The following SKIC3 variants were observed in gnomAD, a reference collection of about 807,000 sequenced individuals.
The protein encoded by SKIC3 is superkiller complex protein 3.
chr5:95,554,957 T>C, the SKIC3 span: 3 of 251,272 alleles, frequency 1.2e-5, no homozygotes, highest in African/African-American at 4.6e-5. Context: ...GCTCCTCTTC[T>C]ACAAACGCCG....
the SKIC3 span, chr5:95,464,357 G>A: frequency 5.3e-3 from 2,309 of 433,788 alleles, 48 homozygotes; most frequent in African/African-American, 0.041. Flanking sequence ...ATAATGTTAA[G>A]CAACCAAGGC....
chr5:95,553,471 C>T, the SKIC3 span, among the ~76,000 whole-genome samples: 1 of 152,098 alleles, frequency 6.6e-6, no homozygotes, highest in African/African-American at 2.4e-5. Flanking sequence ...TATTACCTTC[C>T]GTGCTGTATT....
chr5:95,522,856 A>G, the SKIC3 span, among the ~76,000 whole-genome samples: 2 of 152,138 alleles, frequency 1.3e-5, no homozygotes, highest in African/African-American at 4.8e-5. Context: ...GCTGCTCCCA[A>G]TGCCCTTTAA....
At chr5:95,514,853 A>G in the SKIC3 span, 1 of 1,611,718 alleles carries the variant, frequency 6.2e-7, no homozygotes, top group Non-Finnish European at 8.5e-7. Flanking sequence ...TATATTTCTT[A>G]CTTGTCCAAT....
At chr5:95,470,009 C>T in the SKIC3 span, 22 of 1,398,800 alleles carry the variant, frequency 1.6e-5, no homozygotes, top group Non-Finnish European at 2.0e-5. Flanking sequence ...CGGAGTCTCG[C>T]TCTGTCACCC....
the SKIC3 span, chr5:95,517,186 G>A: frequency 6.2e-7 from 1 of 1,613,212 alleles, no homozygotes; most frequent in Non-Finnish European, 8.5e-7. Context: ...TTTAATACTT[G>A]TTTTCCTTCT....
At chr5:95,526,211 T>C in the SKIC3 span, among the ~76,000 whole-genome samples, 1 of 152,144 alleles carries the variant, frequency 6.6e-6, no homozygotes, top group African/African-American at 2.4e-5. Flanking sequence ...TTAATGATAA[T>C]GCCTTGTCTC....
the SKIC3 span, among the ~76,000 whole-genome samples, chr5:95,546,757 C>T: frequency 3.3e-5 from 5 of 152,266 alleles, no homozygotes; most frequent in African/African-American, 9.6e-5. Flanking sequence ...CACTAACATG[C>T]CATTAAACAA....
chr5:95,499,243 G>C, the SKIC3 span, among the ~76,000 whole-genome samples: 2 of 152,170 alleles, frequency 1.3e-5, no homozygotes, highest in Admixed American at 6.5e-5. Flanking sequence ...ATTGGATCAT[G>C]AGGCAGAGTT....
At chr5:95,489,520 T>TAAAAAAAAAAAAAAAAAAAA in the SKIC3 span, among the ~76,000 whole-genome samples, 1 of 116,652 alleles carries the variant, frequency 8.6e-6, no homozygotes, top group African/African-American at 2.9e-5. Context: ...GGCAACCAGT[T>TAAAAAAAAAAAAAAAAAAAA]AAAAAAAAAA....
At chr5:95,475,142 C>T in the SKIC3 span, among the ~76,000 whole-genome samples, 4 of 152,130 alleles carry the variant, frequency 2.6e-5, no homozygotes, top group Non-Finnish European at 5.9e-5. Context: ...GCTGGGGAAC[C>T]AGTAGGCTAC....
the SKIC3 span, among the ~76,000 whole-genome samples, chr5:95,498,192 T>G: frequency 6.6e-6 from 1 of 152,170 alleles, no homozygotes; most frequent in Non-Finnish European, 1.5e-5. Flanking sequence ...AACACAATCC[T>G]TATAGGTAAA....
chr5:95,515,836 T>A, the SKIC3 span, among the ~76,000 whole-genome samples: 1 of 152,102 alleles, frequency 6.6e-6, no homozygotes, highest in Non-Finnish European at 1.5e-5. Flanking sequence ...ACATGACCTA[T>A]AAACATACTC....
chr5:95,527,322 G>T, the SKIC3 span, among the ~76,000 whole-genome samples: 1 of 152,050 alleles, frequency 6.6e-6, no homozygotes, highest in African/African-American at 2.4e-5. Context: ...ACACATTATT[G>T]GTGGGATGGC....
the SKIC3 span, chr5:95,498,505 G>C: frequency 6.2e-7 from 1 of 1,614,166 alleles, no homozygotes; most frequent in Non-Finnish European, 8.5e-7. Flanking sequence ...ATTAAGTGCT[G>C]CTTTTGACAG....
the SKIC3 span, among the ~76,000 whole-genome samples, chr5:95,540,112 A>G: frequency 6.6e-6 from 1 of 152,334 alleles, no homozygotes; most frequent in Non-Finnish European, 1.5e-5. Context: ...CAGCTATAAA[A>G]AGGAATGAAT....
the SKIC3 span, chr5:95,537,124 C>G: frequency 6.2e-7 from 1 of 1,613,424 alleles, no homozygotes; most frequent in Non-Finnish European, 8.5e-7. Context: ...CCAGTGCATT[C>G]TCAAAAGCAG....
the SKIC3 span, among the ~76,000 whole-genome samples, chr5:95,535,914 T>C: frequency 6.6e-6 from 1 of 152,186 alleles, no homozygotes; most frequent in Non-Finnish European, 1.5e-5. Flanking sequence ...TACGTACTAA[T>C]ATTTCTATTT....
chr5:95,549,570 T>G, the SKIC3 span, among the ~76,000 whole-genome samples: 1 of 151,994 alleles, frequency 6.6e-6, no homozygotes, highest in Non-Finnish European at 1.5e-5. Flanking sequence ...GAACCCTCTA[T>G]TCTCTTCCAA....
Sources: allele counts gnomAD v4.1 joint callset (sites outside exome capture counted in the v4.1 genomes callset), GRCh38; gene constraint gnomAD v4.1.1; transcripts MANE v1.5; gene names NCBI Gene and HGNC (gene_info 2026-07-23, HGNC 2026-07-21).